OR51F1: variants seen among roughly 807,000 people sequenced by gnomAD.
OR51F1 encodes the protein olfactory receptor family 51 subfamily F member 1.
For missense variants in OR51F1, 438 were observed against 385.4 expected (o/e 1.14, Z -1.14); for synonymous variants, 142 against 143.5 (o/e 0.99, Z 0.08).
chr11:4,769,904 C>T lies in OR51F1; in HGVS notation c.35G>A (p.Ser12Asn), dbSNP rs1176937014. Residue 12 changes from serine to asparagine, a missense_variant, in exon 1 of 1, where the codon AGC (serine) becomes AAC (asparagine). Coordinates refer to ENST00000624103, the MANE Select transcript of OR51F1 (RefSeq NM_001004752.2). ...LQNQDTMEIL[S>N]NSTSKFPTFL... ...GGTTGGAAATTTAGATGTTGAGTTGCTTAGGATTTCCATGGTGTCCTGGTT... is the reference window on the plus strand; with the variant it reads ...GGTTGGAAATTTAGATGTTGAGTTGTTTAGGATTTCCATGGTGTCCTGGTT... 2 of 1,599,910 alleles carry T rather than the reference C, an allele frequency of 1.3e-6. No individual in the cohort carries two copies. The highest frequency in any genetic ancestry group is 1.3e-5 in the African/African-American group (1 of 74,704).
At position 4,769,056 on chromosome 11, in the gene OR51F1, CAG is replaced by C. The variant is rs1564904988; in HGVS notation, c.881_882del (p.Pro294ArgfsTer?). ...VMANVYLLLP[P>X]VLNPIIDSVK... ...ACACTGTCGATGATGGGGTTGAGCA[CAG>C]GGGGTAAAAGCAGGTATACATTAGC... On this transcript the variant is annotated frameshift_variant, in exon 1 of 1. Coordinates refer to ENST00000624103, the MANE Select transcript of OR51F1 (RefSeq NM_001004752.2). LOFTEE classifies it high-confidence loss of function. 1 of 1,554,762 alleles carries C rather than the reference CAG, an allele frequency of 6.4e-7. No individual in the cohort carries two copies. Among genetic ancestry groups the C allele is most frequent in the Non-Finnish European group, 8.7e-7 (1 of 1,149,702 alleles).
In OR51F1 at chr11:4,769,062, G is replaced by T. The variant is rs1332960399; in HGVS notation, c.877C>A (p.Pro293Thr). The T allele has an allele frequency of 1.9e-6, 3 of 1,560,824 alleles. No individual in the cohort carries two copies. Among genetic ancestry groups the T allele is most frequent in the South Asian group, 2.4e-5 (2 of 81,652 alleles). Residue 293 changes from proline to threonine, a missense_variant, in exon 1 of 1, where the codon CCC (proline) becomes ACC (threonine). By Grantham distance (38) the Pro-to-Thr change is conservative. Coordinates refer to ENST00000624103, the MANE Select transcript of OR51F1 (RefSeq NM_001004752.2). The part of the protein sequence containing the change: ...SVMANVYLLL[P>T]PVLNPIIDSV... ...TCGATGATGGGGTTGAGCACAGGGG[G>T]TAAAAGCAGGTATACATTAGCCATC...
Position 4,769,770 on chromosome 11 carries a change from C to G in OR51F1, c.169G>C (p.Val57Leu). ...ALSGNSVILF[V>L]IITQQSLHEP... ...TGGAGACTCTGCTGGGTAATGATGA[C>G]AAACAGGATCACGCTGTTCCCAGAG... Residue 57 changes from valine (V) to leucine (L), a missense_variant, in exon 1 of 1, where the codon GTC becomes CTC. Val to Leu is a conservative substitution (Grantham distance 32). Coordinates refer to ENST00000624103, the MANE Select transcript of OR51F1 (RefSeq NM_001004752.2). The G allele has an allele frequency of 6.2e-7, 1 of 1,613,860 alleles. No individual in the cohort carries two copies. Among genetic ancestry groups the G allele is most frequent in the Non-Finnish European group, 8.5e-7 (1 of 1,179,820 alleles).
chr11:4,769,769 A>G lies in OR51F1; in HGVS notation c.170T>C (p.Val57Ala). ...ALSGNSVILF[V>A]IITQQSLHEP... ...ATGGAGACTCTGCTGGGTAATGATGACAAACAGGATCACGCTGTTCCCAGA... is the reference window on the plus strand; with the variant it reads ...ATGGAGACTCTGCTGGGTAATGATGGCAAACAGGATCACGCTGTTCCCAGA... The change falls in exon 1 of 1, where the codon GTC (valine) becomes GCC (alanine). Residue 57 changes from valine (V) to alanine (A), a missense_variant. Val to Ala is a moderately conservative substitution (Grantham distance 64, BLOSUM62 0). Transcript: ENST00000624103. The G allele has an allele frequency of 6.2e-7, 1 of 1,613,950 alleles. No individual in the cohort carries two copies. The highest frequency in any genetic ancestry group is 1.3e-5 in the African/African-American group (1 of 75,060).
In OR51F1 at chr11:4,768,999, T is replaced by C; in HGVS notation, c.940A>G (p.Ser314Gly). Reference protein sequence around the residue: ...KTKQIRKAMLSLLLTK With the variant: ...KTKQIRKAMLGLLLTK ...TCTGTTCATTTTGTAAGCAGCAGAC[T>C]GAGCATAGCCTTGCGGATTTGTTTT... Residue 314 changes from serine (S) to glycine (G), a missense_variant, in exon 1 of 1, where the codon AGT (serine) becomes GGT (glycine). Coordinates refer to ENST00000624103, the MANE Select transcript of OR51F1 (RefSeq NM_001004752.2). 2.0e-6 allele frequency: 3 copies of C among 1,504,736 alleles called. No individual in the cohort carries two copies. The highest frequency in any genetic ancestry group is 2.7e-6 in the Non-Finnish European group (3 of 1,126,190). 93.2% of individuals were successfully genotyped at this position (1,504,736 alleles called of 1,614,324 possible). A position where few individuals can be genotyped will look rare whatever the true frequency, so the allele number is the denominator to read the frequency against.
At position 4,769,814 on chromosome 11, in the gene OR51F1, C is replaced by T; in HGVS notation, c.125G>A (p.Cys42Tyr). The change falls in exon 1 of 1, where the codon TGT (cysteine) becomes TAT (tyrosine). Residue 42 changes from cysteine to tyrosine, a missense_variant. By Grantham distance (194) the Cys-to-Tyr change is radical. Coordinates refer to ENST00000624103, the MANE Select transcript of OR51F1 (RefSeq NM_001004752.2). ...CCCAGAGAGGGCAATGGCATAAAAA[C>T]AACAGAAAGGAATGGAGATCCAGAC... The part of the protein sequence containing the change: ...AHVWISIPFC[C>Y]FYAIALSGNS... 1 of 1,613,024 alleles carries T rather than the reference C, an allele frequency of 6.2e-7. No individual in the cohort carries two copies. The highest frequency in any genetic ancestry group is 8.5e-7 in the Non-Finnish European group (1 of 1,179,098).
At position 4,769,157 on chromosome 11, in the gene OR51F1, T is replaced by C. The variant is rs2133419575; in HGVS notation, c.782A>G (p.Tyr261Cys). 1 of 1,613,800 alleles carries C rather than the reference T, an allele frequency of 6.2e-7. No homozygotes were observed. Among genetic ancestry groups the C allele is most frequent in the Non-Finnish European group, 8.5e-7 (1 of 1,179,820 alleles). The change falls in exon 1 of 1, where the codon TAC becomes TGC. Residue 261 changes from tyrosine to cysteine, a missense_variant. By Grantham distance (194) the Tyr-to-Cys change is radical. Transcript: ENST00000624103. ...VSHVGAVAFF[Y>C]IHMLSLSLVY... The stretch of plus-strand genomic sequence containing the variant: ...CAAGGACAGGCTCAGCATGTGGATG[T>C]AGAAGAAAGCAACTGCTCCCACATG...
Position 4,769,252 on chromosome 11 carries a change from T to G in OR51F1, c.687A>C (p.Leu229Phe), listed in dbSNP as rs12792898. The change falls in exon 1 of 1, where the codon TTA becomes TTC. Residue 229 changes from leucine to phenylalanine, a missense_variant. Transcript: ENST00000624103. ...DTPCIVLSYILIIHSVLRIAS... is the reference protein window; with the variant it reads ...DTPCIVLSYIFIIHSVLRIAS... The stretch of plus-strand genomic sequence containing the variant: ...CAATTCTGAGGACAGAGTGAATAAT[T>G]AAGATATATGACAGGACAATGCATG... 2 of 1,613,346 alleles carry G rather than the reference T, an allele frequency of 1.2e-6. No homozygotes were observed. The highest frequency in any genetic ancestry group is 1.7e-6 in the Non-Finnish European group (2 of 1,179,342).
In OR51F1 at chr11:4,769,299, G is replaced by A. The variant is rs764303809; in HGVS notation, c.640C>T (p.Leu214=). 1.2e-6 allele frequency: 2 copies of A among 1,613,532 alleles called. No individual in the cohort carries two copies. The highest frequency in any genetic ancestry group is 1.7e-6 in the Non-Finnish European group (2 of 1,179,452). ...CATGGTGTATCTATTCCAGTGGTCA[G>A]GATGAGATCAATTAATCCACAGATG... is the stretch of plus-strand genomic sequence containing the variant. ...NSICGLIDLI[L]TTGIDTPCIV... Residue 214 remains leucine, a synonymous_variant, in exon 1 of 1, where the codon CTG becomes TTG. Coordinates refer to ENST00000624103, the MANE Select transcript of OR51F1 (RefSeq NM_001004752.2).
Position 4,769,334 on chromosome 11 carries a change from C to A in OR51F1, c.605G>T (p.Arg202Leu). The change falls in exon 1 of 1, where the codon CGG (arginine) becomes CTG (leucine). Residue 202 changes from arginine to leucine, a missense_variant. Coordinates refer to ENST00000624103, the MANE Select transcript of OR51F1 (RefSeq NM_001004752.2). ...AATTAATCCACAGATGCTATTTGCC[C>A]GAATGTCTGAACATGCTAATTGAAT... ...DVIQLACSDI[R>L]ANSICGLIDL... 7 of 1,613,396 alleles carry A rather than the reference C, an allele frequency of 4.3e-6. No individual in the cohort carries two copies. In the South Asian group the frequency reaches 4.4e-5, roughly 10 times the overall value.
chr11:4,769,870 C>A lies in OR51F1; in HGVS notation c.69G>T (p.Leu23Phe), dbSNP rs1203752954. Reference protein sequence around the residue: ...NSTSKFPTFLLTGIPGLESAH... With the variant: ...NSTSKFPTFLFTGIPGLESAH... ...CAGACTCTAGGCCAGGAATGCCGGT[C>A]AACAAGAAGGTTGGAAATTTAGATG... The change falls in exon 1 of 1, where the codon TTG (leucine) becomes TTT (phenylalanine). Residue 23 changes from leucine (L) to phenylalanine (F), a missense_variant. Leu to Phe is a conservative substitution (Grantham distance 22, BLOSUM62 0). Transcript: ENST00000624103. 1.2e-6 allele frequency: 2 copies of A among 1,613,294 alleles called. No individual in the cohort carries two copies. Among genetic ancestry groups the A allele is most frequent in the South Asian group, 1.1e-5 (1 of 91,058 alleles).
In OR51F1 at chr11:4,769,286, AT is replaced by A; in HGVS notation, c.652del (p.Ile218Ter). On this transcript the variant is annotated frameshift_variant, in exon 1 of 1. Transcript: ENST00000624103. LOFTEE classifies it low-confidence loss of function (END_TRUNC). ...TGACAGGACAATGCATGGTGTATCT[AT>A]TCCAGTGGTCAGGATGAGATCAATT... ...GLIDLILTTG[I>X]DTPCIVLSYI... 1.2e-6 allele frequency: 2 copies of A among 1,613,588 alleles called. No homozygotes were observed. Among genetic ancestry groups the A allele is most frequent in the Non-Finnish European group, 1.7e-6 (2 of 1,179,454 alleles).
At position 4,769,175 on chromosome 11, in the gene OR51F1, C is replaced by G. The variant is rs2133419600; in HGVS notation, c.764G>C (p.Gly255Ala). The change falls in exon 1 of 1, where the codon GGA becomes GCA. Residue 255 changes from glycine to alanine, a missense_variant. Transcript: ENST00000624103. Reference sequence around the variant, plus strand: ...GTGGATGTAGAAGAAAGCAACTGCTCCCACATGGGAGACACAGGTGCTGAA... The same window carrying G: ...GTGGATGTAGAAGAAAGCAACTGCTGCCACATGGGAGACACAGGTGCTGAA... ...KVFSTCVSHV[G>A]AVAFFYIHML... is the part of the protein sequence containing the mutation. The G allele has an allele frequency of 6.2e-7, 1 of 1,614,052 alleles. No individual in the cohort carries two copies. The highest frequency in any genetic ancestry group is 1.3e-5 in the African/African-American group (1 of 75,024).
Position 4,769,498 on chromosome 11 carries a change from A to G in OR51F1, c.441T>C (p.Asn147=), listed in dbSNP as rs751131788. The change falls in exon 1 of 1, where the codon AAT becomes AAC. Residue 147 remains asparagine, a synonymous_variant. Transcript: ENST00000624103. The part of the protein sequence containing the change: ...DPLRYTTILT[N]SRIIQMGLLM... ...GAAGACCCATTTGAATGATTCTGGA[A>G]TTAGTGAGAATGGTAGTGTACCTCA... 6.2e-7 allele frequency: 1 copy of G among 1,613,962 alleles called. No individual in the cohort carries two copies. Among genetic ancestry groups the G allele is most frequent in the Admixed American group, 1.7e-5 (1 of 60,022 alleles).
Position 4,769,802 on chromosome 11 carries a change from A to G in OR51F1, c.137T>C (p.Ile46Thr), listed in dbSNP as rs749302393. 1.9e-6 allele frequency: 3 copies of G among 1,613,268 alleles called. No homozygotes were observed. Among genetic ancestry groups the G allele is most frequent in the East Asian group, 4.5e-5 (2 of 44,884 alleles). The stretch of plus-strand genomic sequence containing the variant: ...GATCACGCTGTTCCCAGAGAGGGCA[A>G]TGGCATAAAAACAACAGAAAGGAAT... ...ISIPFCCFYA[I>T]ALSGNSVILF... is the part of the protein sequence containing the mutation. The change falls in exon 1 of 1, where the codon ATT becomes ACT. Residue 46 changes from isoleucine (I) to threonine (T), a missense_variant. Coordinates refer to ENST00000624103, the MANE Select transcript of OR51F1 (RefSeq NM_001004752.2).
Position 4,769,460 on chromosome 11 carries a change from C to A in OR51F1, c.479G>T (p.Arg160Leu), listed in dbSNP as rs145202384. The A allele has an allele frequency of 3.0e-5, 48 of 1,612,758 alleles. No individual in the cohort carries two copies. In the Middle Eastern group the frequency reaches 1.2e-3, roughly 39 times the overall value. Residue 160 changes from arginine to leucine, a missense_variant, in exon 1 of 1, where the codon CGT (arginine) becomes CTT (leucine). Physicochemically the swap from Arg to Leu is moderately radical, Grantham distance 102 (BLOSUM62 -2). Coordinates refer to ENST00000624103, the MANE Select transcript of OR51F1 (RefSeq NM_001004752.2). The stretch of plus-strand genomic sequence containing the variant: ...TAGTGGCAATATTAGTACTATAGCA[C>A]GTGTAATCATCAGAAGACCCATTTG... ...IIQMGLLMIT[R>L]AIVLILPLLL...
chr11:4,769,106 G>C lies in OR51F1; in HGVS notation c.833C>G (p.Pro278Arg), dbSNP rs1361061884. 1 of 1,599,996 alleles carries C rather than the reference G, an allele frequency of 6.3e-7. No homozygotes were observed. The highest frequency in any genetic ancestry group is 8.5e-7 in the Non-Finnish European group (1 of 1,172,906). The stretch of plus-strand genomic sequence containing the variant: ...AGCCATCACTGAATGGACTACTCTG[G>C]GGGCTGACCGACCATAGCGATACAC... ...SLVYRYGRSA[P>R]RVVHSVMANV... The change falls in exon 1 of 1, where the codon CCC becomes CGC. Residue 278 changes from proline to arginine, a missense_variant. Coordinates refer to ENST00000624103, the MANE Select transcript of OR51F1 (RefSeq NM_001004752.2).
Position 4,769,836 on chromosome 11 carries a change from A to T in OR51F1, c.103T>A (p.Trp35Arg). The T allele has an allele frequency of 6.2e-7, 1 of 1,612,764 alleles. No homozygotes were observed. Among genetic ancestry groups the T allele is most frequent in the Non-Finnish European group, 8.5e-7 (1 of 1,178,738 alleles). Reference sequence around the variant, plus strand: ...AAACAACAGAAAGGAATGGAGATCCAGACATGGGCAGACTCTAGGCCAGGA... The same window carrying T: ...AAACAACAGAAAGGAATGGAGATCCTGACATGGGCAGACTCTAGGCCAGGA... ...GIPGLESAHV[W>R]ISIPFCCFYA... is the part of the protein sequence containing the mutation. Residue 35 changes from tryptophan to arginine, a missense_variant, in exon 1 of 1, where the codon TGG becomes AGG. Transcript: ENST00000624103.
Position 4,769,548 on chromosome 11 carries a change from G to C in OR51F1, c.391C>G (p.Arg131Gly), listed in dbSNP as rs776481103. 1.7e-5 allele frequency: 27 copies of C among 1,613,108 alleles called. No individual in the cohort carries two copies. In the South Asian group the frequency reaches 3.0e-4, roughly 18 times the overall value. The change falls in exon 1 of 1, where the codon CGT becomes GGT. Residue 131 changes from arginine to glycine, a missense_variant. By Grantham distance (125) the Arg-to-Gly change is moderately radical. Coordinates refer to ENST00000624103, the MANE Select transcript of OR51F1 (RefSeq NM_001004752.2). ...AGAGGGTCACAGATGGCCACATAACGGTCAAAGGCTGTAGCCACCAGCACT... is the reference window on the plus strand; with the variant it reads ...AGAGGGTCACAGATGGCCACATAACCGTCAAAGGCTGTAGCCACCAGCACT... ...SGVLVATAFD[R>G]YVAICDPLRY...
Sources: allele counts gnomAD v4.1 joint callset, GRCh38; gene constraint gnomAD v4.1.1; transcripts MANE v1.5; gene names NCBI Gene and HGNC (gene_info 2026-07-23, HGNC 2026-07-21).